PTPRM: variants seen among roughly 807,000 people sequenced by gnomAD.
PTPRM encodes receptor-type tyrosine-protein phosphatase mu.
In PTPRM, 47 loss-of-function variants were observed where a neutral mutation model predicts 186.7. The observed-to-expected ratio is 0.25, with a 90% CI of 0.20 to 0.32. PTPRM has a LOEUF of 0.32. PTPRM is among the 10% of genes least tolerant of loss of function. PTPRM has a pLI of 1.00. For missense variants in PTPRM, 1,494 were observed against 1,865.0 expected (o/e 0.80, Z 3.66); for synonymous variants, 668 against 674.9 (o/e 0.99, Z 0.16).
At chr18:8,252,457 T>G in intron 17 of PTPRM, 31 bp from the exon 18 acceptor site, 1 of 1,522,510 alleles carries the variant, frequency 6.6e-7, no homozygotes, top group Non-Finnish European at 9.1e-7. Context: ...TTTCTCCTCC[T>G]TTTTTCTCCT....
chr18:7,881,298 A>G (rs1023288606), intron 2 of PTPRM, among the ~76,000 whole-genome samples: 9 of 152,112 alleles, frequency 5.9e-5, no homozygotes, highest in South Asian at 2.1e-4. Flanking sequence ...AGCTGGACAC[A>G]GTGGTGCGTG....
At chr18:8,289,674 A>C (rs2095020463) in intron 19 of PTPRM, among the ~76,000 whole-genome samples, 1 of 149,836 alleles carries the variant, frequency 6.7e-6, no homozygotes, top group African/African-American at 2.5e-5. Context: ...TCCCATTATC[A>C]AAAGAGAAAG....
At chr18:7,940,076 G>T (rs2052070878) in intron 5 of PTPRM, among the ~76,000 whole-genome samples, 1 of 152,132 alleles carries the variant, frequency 6.6e-6, no homozygotes, top group African/African-American at 2.4e-5. Context: ...CACCTGACTT[G>T]CAGCAAAGGA....
chr18:8,004,061 T>A (rs2084028211), intron 7 of PTPRM, among the ~76,000 whole-genome samples: 2 of 152,196 alleles, frequency 1.3e-5, no homozygotes, highest in African/African-American at 4.8e-5. Flanking sequence ...ATGCTTCCTT[T>A]GTGGACTGAC....
chr18:7,756,991 A>G (rs146824955), intron 1 of PTPRM, among the ~76,000 whole-genome samples: 1 of 152,098 alleles, frequency 6.6e-6, no homozygotes, highest in Non-Finnish European at 1.5e-5. Flanking sequence ...CCATGTTTTA[A>G]ATATTCTTTG....
intron 1 of PTPRM, among the ~76,000 whole-genome samples, chr18:7,751,847 A>G (rs1471803318): frequency 1.4e-5 from 2 of 147,586 alleles, no homozygotes; most frequent in Non-Finnish European, 2.9e-5. Context: ...TTTTCCACAT[A>G]CCTTCCTCTC....
chr18:7,830,219 A>G (rs1166342660), intron 2 of PTPRM, among the ~76,000 whole-genome samples: 2 of 151,978 alleles, frequency 1.3e-5, no homozygotes, highest in African/African-American at 4.8e-5. Flanking sequence ...TTTCAAGTGG[A>G]GCCCCATCTC....
At chr18:7,737,610 A>T (rs2040799497) in intron 1 of PTPRM, among the ~76,000 whole-genome samples, 1 of 152,216 alleles carries the variant, frequency 6.6e-6, no homozygotes, top group African/African-American at 2.4e-5. Context: ...CTGGCTGGTA[A>T]GTAGCCACTG....
intron 14 of PTPRM, chr18:8,154,752 G>T (rs1182855471): frequency 6.6e-5 from 10 of 152,132 alleles, no homozygotes; most frequent in Non-Finnish European, 2.9e-5. Flanking sequence ...GGCAATAATG[G>T]CTAAAAACTG....
chr18:7,835,036 G>T (rs1416494286), intron 2 of PTPRM, among the ~76,000 whole-genome samples: 16 of 56,296 alleles, frequency 2.8e-4, no homozygotes, highest in East Asian at 1.2e-3. Context: ...ATGTTTGTCT[G>T]TTTAACTTTT....
At chr18:7,651,852 C>G (rs2038713496) in intron 1 of PTPRM, among the ~76,000 whole-genome samples, 1 of 152,046 alleles carries the variant, frequency 6.6e-6, no homozygotes, top group South Asian at 2.1e-4. Flanking sequence ...GCAAGGACTT[C>G]ATGTCTAAAA....
chr18:8,219,970 C>G (rs2094136497), intron 14 of PTPRM, among the ~76,000 whole-genome samples: 1 of 152,084 alleles, frequency 6.6e-6, no homozygotes, highest in Non-Finnish European at 1.5e-5. Flanking sequence ...TGCCTAAACT[C>G]CAAAAGGGGG....
At chr18:8,271,452 C>T (rs1568640090) in intron 19 of PTPRM, among the ~76,000 whole-genome samples, 2 of 151,828 alleles carry the variant, frequency 1.3e-5, no homozygotes, top group Admixed American at 6.6e-5. Context: ...TGTTCATAGG[C>T]GAGTCTAATC....
intron 11 of PTPRM, among the ~76,000 whole-genome samples, chr18:8,111,545 A>G (rs1241638000): frequency 1.3e-5 from 2 of 152,094 alleles, no homozygotes; most frequent in Non-Finnish European, 1.5e-5. Context: ...CCCAGGAGGC[A>G]GAGCTTGCAG....
intron 23 of PTPRM, among the ~76,000 whole-genome samples, chr18:8,365,409 A>G (rs1405965747): frequency 2.0e-5 from 3 of 152,250 alleles, no homozygotes; most frequent in Non-Finnish European, 4.4e-5. Context: ...GTGAGGCCAC[A>G]GATGTCAGAA....
intron 1 of PTPRM, among the ~76,000 whole-genome samples, chr18:7,580,633 G>C (rs890086044): frequency 6.6e-6 from 1 of 152,210 alleles, no homozygotes; most frequent in Non-Finnish European, 1.5e-5. Flanking sequence ...AGTGTGCTGA[G>C]AGGGTATGAT....
chr18:8,200,705 A>T (rs1015441023), intron 14 of PTPRM, among the ~76,000 whole-genome samples: 1 of 152,224 alleles, frequency 6.6e-6, no homozygotes, highest in Non-Finnish European at 1.5e-5. Context: ...AATAATTTCA[A>T]ACTCACAAAA....
intron 7 of PTPRM, among the ~76,000 whole-genome samples, chr18:7,994,722 T>C (rs570105467): frequency 1.3e-3 from 191 of 152,010 alleles, no homozygotes; most frequent in African/African-American, 4.3e-3. Context: ...TGCTCCTGAA[T>C]GATAATTGAG....
At chr18:7,811,645 G>A (rs183662741) in intron 2 of PTPRM, among the ~76,000 whole-genome samples, 2 of 152,178 alleles carry the variant, frequency 1.3e-5, no homozygotes, top group East Asian at 1.9e-4. Context: ...GTTTACAGGC[G>A]TGAGCTACTG....
Sources: allele counts gnomAD v4.1 joint callset (sites outside exome capture counted in the v4.1 genomes callset), GRCh38; gene constraint gnomAD v4.1.1; transcripts MANE v1.5; gene names NCBI Gene and HGNC (gene_info 2026-07-23, HGNC 2026-07-21).